FRMD5: variants seen among roughly 807,000 people sequenced by gnomAD.
FRMD5 encodes the protein FERM domain-containing protein 5.
A neutral mutation model predicts 69.0 loss-of-function variants in FRMD5; 20 were observed. The observed-to-expected ratio is 0.29, with a 90% CI of 0.20 to 0.42. The LOEUF is 0.42. Among genes scored for constraint, FRMD5 ranks in the 10% least tolerant of loss-of-function variants. FRMD5 has a pLI of 1.00. For synonymous variants in FRMD5, 271 were observed against 260.1 expected (o/e 1.04, Z -0.40); for missense variants, 595 against 708.6 (o/e 0.84, Z 1.82).
intron 1 of FRMD5, among the ~76,000 whole-genome samples, chr15:44,186,958 T>C (rs2078112367): frequency 1.3e-5 from 2 of 152,204 alleles, no homozygotes; most frequent in Non-Finnish European, 2.9e-5. Context: ...TCCTCGGTCC[T>C]CAAGAGAAGC....
intron 1 of FRMD5, among the ~76,000 whole-genome samples, chr15:44,010,135 G>C (rs1006310355): frequency 1.2e-4 from 19 of 152,206 alleles, no homozygotes; most frequent in African/African-American, 4.3e-4. Flanking sequence ...GTTGAGGACA[G>C]ATTCCATCTC....
At chr15:44,175,175 A>T (rs1037989335) in intron 1 of FRMD5, among the ~76,000 whole-genome samples, 2 of 152,170 alleles carry the variant, frequency 1.3e-5, no homozygotes, top group African/African-American at 4.8e-5. Context: ...TTTAAAACTG[A>T]TAAAATGTAG....
intron 6 of FRMD5, among the ~76,000 whole-genome samples, chr15:43,903,780 G>A (rs1566825028): frequency 6.6e-6 from 1 of 152,182 alleles, no homozygotes; most frequent in Non-Finnish European, 1.5e-5. Flanking sequence ...GGTCCTCAAA[G>A]CGGGCATCAT....
At chr15:43,982,937 C>T (rs1253930402) in intron 1 of FRMD5, among the ~76,000 whole-genome samples, 1 of 123,298 alleles carries the variant, frequency 8.1e-6, no homozygotes, top group Non-Finnish European at 1.8e-5. Flanking sequence ...ATCTTTTTTC[C>T]AATCTTTTTT....
At chr15:43,925,871 T>C (rs1386742680) in intron 1 of FRMD5, among the ~76,000 whole-genome samples, 2 of 152,236 alleles carry the variant, frequency 1.3e-5, no homozygotes, top group Admixed American at 1.3e-4. Context: ...GGCCTTTCCC[T>C]ATAGTACAGC....
At chr15:44,158,986 C>T (rs1478941059) in intron 1 of FRMD5, among the ~76,000 whole-genome samples, 1 of 152,064 alleles carries the variant, frequency 6.6e-6, no homozygotes, top group African/African-American at 2.4e-5. Context: ...AAAATGAGCA[C>T]CTAACTCAAG....
chr15:44,120,395 A>G (rs1163615424), intron 1 of FRMD5, among the ~76,000 whole-genome samples: 1 of 152,234 alleles, frequency 6.6e-6, no homozygotes, highest in Non-Finnish European at 1.5e-5. Context: ...TTTCAAAGAT[A>G]GAACCGACAA....
intron 1 of FRMD5, among the ~76,000 whole-genome samples, chr15:44,127,255 C>T (rs1454298429): frequency 6.6e-6 from 1 of 152,150 alleles, no homozygotes; most frequent in Non-Finnish European, 1.5e-5. Context: ...ACCACACCGA[C>T]TAATTCTTGT....
At chr15:44,084,014 GTAAAT>G (rs914790211) in intron 1 of FRMD5, among the ~76,000 whole-genome samples, 1 of 152,026 alleles carries the variant, frequency 6.6e-6, no homozygotes, top group Non-Finnish European at 1.5e-5. Context: ...TTTCCATCCA[GTAAAT>G]TATTTTTATC....
intron 1 of FRMD5, among the ~76,000 whole-genome samples, chr15:44,154,385 G>A (rs1404819609): frequency 2.0e-5 from 3 of 151,898 alleles, no homozygotes; most frequent in African/African-American, 7.3e-5. Flanking sequence ...GACCAATAGA[G>A]TACACAAGTT....
chr15:43,933,364 T>A (rs2089707704), intron 1 of FRMD5, among the ~76,000 whole-genome samples: 1 of 152,152 alleles, frequency 6.6e-6, no homozygotes, highest in Non-Finnish European at 1.5e-5. Context: ...CACACCTGAG[T>A]CCACCTCAGA....
rs1214242505 is a variant in FRMD5 at position 43,873,120 on chromosome 15, A to G, written c.*765T>C. On this transcript the variant is annotated 3_prime_UTR_variant, in exon 14 of 14. Coordinates refer to ENST00000417257, the MANE Select transcript of FRMD5 (RefSeq NM_032892.5). ...ATCACGTTAAGTCTAGTTTCATTAT[A>G]CAAAACTATGGTGATGCCCACTAGG... 1 of 1,484,646 alleles carries G rather than the reference A, an allele frequency of 6.7e-7. No individual in the cohort carries two copies. The highest frequency in any genetic ancestry group is 9.1e-7 in the Non-Finnish European group (1 of 1,094,952). The allele number at this position is 1,484,646 out of a possible 1,614,324, so 92.0% of individuals were successfully genotyped here.
intron 1 of FRMD5, among the ~76,000 whole-genome samples, chr15:44,084,401 C>T (rs1287572974): frequency 2.0e-5 from 3 of 152,060 alleles, no homozygotes; most frequent in South Asian, 4.1e-4. Context: ...TACCAGTCAT[C>T]TTGCTCCTGT....
chr15:43,997,842 C>A (rs980718863), intron 1 of FRMD5, among the ~76,000 whole-genome samples: 7 of 152,078 alleles, frequency 4.6e-5, no homozygotes, highest in Non-Finnish European at 8.8e-5. Flanking sequence ...CAAACAACCA[C>A]AATAAAACCA....
chr15:43,989,694 G>T (rs1195787757), intron 1 of FRMD5: 2 of 996,190 alleles, frequency 2.0e-6, no homozygotes, highest in African/African-American at 3.2e-5. Flanking sequence ...TCATAGATGG[G>T]CACAGTGTGG....
At chr15:44,126,489 T>C (rs925955785) in intron 1 of FRMD5, among the ~76,000 whole-genome samples, 1 of 152,216 alleles carries the variant, frequency 6.6e-6, no homozygotes, top group African/African-American at 2.4e-5. Context: ...CAGTTCCTAA[T>C]AAAATGTGAG....
At chr15:44,066,044 G>A (rs1893296878) in intron 1 of FRMD5, among the ~76,000 whole-genome samples, 1 of 152,104 alleles carries the variant, frequency 6.6e-6, no homozygotes, top group Non-Finnish European at 1.5e-5. Flanking sequence ...GAAAAATGAG[G>A]TTTTCAACTC....
chr15:43,952,370 A>G (rs1008463246), intron 1 of FRMD5, among the ~76,000 whole-genome samples: 3 of 152,316 alleles, frequency 2.0e-5, no homozygotes, highest in Admixed American at 2.0e-4. Context: ...TGTTCTTTAT[A>G]CAGTTTTTAA....
chr15:44,143,644 G>A (rs567823346), intron 1 of FRMD5, among the ~76,000 whole-genome samples: 4 of 150,580 alleles, frequency 2.7e-5, no homozygotes, highest in Admixed American at 1.3e-4. Context: ...ATTATCTTTC[G>A]GCTGGGCGCG....
Sources: allele counts gnomAD v4.1 joint callset (sites outside exome capture counted in the v4.1 genomes callset), GRCh38; gene constraint gnomAD v4.1.1; transcripts MANE v1.5; gene names NCBI Gene and HGNC (gene_info 2026-07-23, HGNC 2026-07-21).